The following RGSL1 variants were observed in gnomAD, a reference collection of about 807,000 sequenced individuals.
The protein encoded by RGSL1 is regulator of G protein signaling like 1, also known as regulator of G protein signaling protein-like.
In RGSL1, 97 loss-of-function variants were observed where a neutral mutation model predicts 124.7. The observed-to-expected ratio is 0.78, with a 90% CI of 0.66 to 0.92. The LOEUF (loss-of-function observed/expected upper bound fraction) is 0.92, where lower values mean the gene tolerates loss of function less well. Ranked by LOEUF, RGSL1 falls within the 40% of genes least tolerant of loss-of-function variation. The pLI is 0.00. For missense variants in RGSL1, 1,233 were observed against 1,288.4 expected (o/e 0.96, Z 0.66); for synonymous variants, 424 against 438.1 (o/e 0.97, Z 0.40).
Position 182,493,062 on chromosome 1 carries a change from C to G in RGSL1, c.1758C>G (p.Asn586Lys). ...CCTTTGAGGAGCTTTGCTACAAGAACCCAAAGATGGCCATACAGAAGATCA... is the reference window on the plus strand; with the variant it reads ...CCTTTGAGGAGCTTTGCTACAAGAAGCCAAAGATGGCCATACAGAAGATCA... ...KMSFEELCYK[N>K]PKMAIQKISD... The change falls in exon 9 of 22, where the codon AAC becomes AAG. Residue 586 changes from asparagine (N) to lysine (K), a missense_variant. Physicochemically the swap from Asn to Lys is moderately conservative, Grantham distance 94. Coordinates refer to ENST00000294854, the MANE Select transcript of RGSL1 (RefSeq NM_001137669.2). The G allele has an allele frequency of 1.3e-6, 2 of 1,551,708 alleles. No individual in the cohort carries two copies. Among genetic ancestry groups the G allele is most frequent in the Non-Finnish European group, 8.7e-7 (1 of 1,146,916 alleles).
intron 1 of RGSL1, 154 bp downstream of exon 1, chr1:182,450,332 C>A: frequency 1.2e-6 from 1 of 805,300 alleles, no homozygotes; most frequent in Non-Finnish European, 2.1e-6. Context: ...CTTTCTCCTT[C>A]TTCCCCTTCC....
intron 8 of RGSL1, among the ~76,000 whole-genome samples, chr1:182,492,444 A>G (rs1323562915): frequency 1.3e-5 from 2 of 152,140 alleles, no homozygotes; most frequent in Non-Finnish European, 2.9e-5. Flanking sequence ...TTCAAGTCAT[A>G]TCTTGGTTAC....
intron 21 of RGSL1, 31 bp downstream of exon 21, chr1:182,556,253 G>T: frequency 3.5e-6 from 2 of 569,378 alleles, no homozygotes; most frequent in Admixed American, 3.3e-5. Context: ...GAGAGGAAGC[G>T]CATCTTTCCA....
intron 9 of RGSL1, among the ~76,000 whole-genome samples, chr1:182,509,052 G>A (rs1247705863): frequency 4.6e-5 from 2 of 43,938 alleles, no homozygotes; most frequent in Non-Finnish European, 5.1e-5. Flanking sequence ...TTTTCTTAGT[G>A]CAGAACAAAA....
chr1:182,486,574 C>G (rs1314816761), intron 6 of RGSL1, among the ~76,000 whole-genome samples: 2 of 152,044 alleles, frequency 1.3e-5, no homozygotes, highest in African/African-American at 4.8e-5. Flanking sequence ...TCTCAAACTC[C>G]TTGTCTCAAG....
chr1:182,473,490 G>GA (rs1213575890), intron 5 of RGSL1, 85 bp from the exon 6 acceptor site: 9 of 1,400,298 alleles, frequency 6.4e-6, no homozygotes, highest in Admixed American at 2.9e-5. Context: ...AAAGACATTT[G>GA]AAAAAAATTA....
At chr1:182,534,485 G>A (rs368023645) in intron 14 of RGSL1, among the ~76,000 whole-genome samples, 3 of 152,084 alleles carry the variant, frequency 2.0e-5, no homozygotes, top group East Asian at 3.8e-4. Flanking sequence ...AAAAAAGTTT[G>A]TATTATCTTT....
chr1:182,512,006 A>C (rs913074883), intron 9 of RGSL1, among the ~76,000 whole-genome samples: 6 of 152,088 alleles, frequency 3.9e-5, no homozygotes, highest in Non-Finnish European at 8.8e-5. Flanking sequence ...GCTATTATAA[A>C]TGGGATTCCT....
intron 13 of RGSL1, 128 bp downstream of exon 13, chr1:182,531,038 T>C (rs2102270379): frequency 9.1e-7 from 1 of 1,104,402 alleles, no homozygotes; most frequent in Admixed American, 2.9e-5. Context: ...ACTAGGAATT[T>C]AAGCAAGTCC....
intron 1 of RGSL1, chr1:182,450,715 T>G (rs1419817892): frequency 6.0e-6 from 1 of 167,872 alleles, no homozygotes; most frequent in Non-Finnish European, 1.3e-5. Flanking sequence ...ACCAGCGGTG[T>G]GTGTAGCTGT....
intron 1 of RGSL1, among the ~76,000 whole-genome samples, chr1:182,451,959 A>G (rs184643043): frequency 5.3e-4 from 80 of 152,140 alleles, no homozygotes; most frequent in African/African-American, 1.8e-3. Context: ...GCATGTAGGG[A>G]CATGGAGGGG....
rs1558294876 is a variant in RGSL1, at chr1:182,489,078, G to C, written c.1593G>C (p.Glu531Asp). Residue 531 changes from glutamate to aspartate, a missense_variant, in exon 8 of 22, where the codon GAG (glutamate) becomes GAC (aspartate). Glu to Asp is a conservative substitution (Grantham distance 45, BLOSUM62 2). Coordinates refer to ENST00000294854, the MANE Select transcript of RGSL1 (RefSeq NM_001137669.2). ...LLYKRIQQSL[E>D]LSQALADMKE... Reference sequence around the variant, plus strand: ...ATAAGAGGATTCAGCAGTCTCTAGAGTTAAGCCAGGCTTTGGCTGACATGA... The same window carrying C: ...ATAAGAGGATTCAGCAGTCTCTAGACTTAAGCCAGGCTTTGGCTGACATGA... 5.2e-6 allele frequency: 8 copies of C among 1,551,666 alleles called. No individual in the cohort carries two copies. The highest frequency in any genetic ancestry group is 7.0e-6 in the Non-Finnish European group (8 of 1,147,000).
At chr1:182,553,371 A>G (rs1173242548) in intron 18 of RGSL1, 84 bp from the exon 19 acceptor site, 2 of 985,748 alleles carry the variant, frequency 2.0e-6, no homozygotes, top group Non-Finnish European at 3.1e-6. Context: ...GTGTTAAACA[A>G]GAGCTTTATT....
chr1:182,542,827 G>A (rs1445081669), intron 15 of RGSL1, among the ~76,000 whole-genome samples: 2 of 152,028 alleles, frequency 1.3e-5, no homozygotes, highest in African/African-American at 2.4e-5. Context: ...TTGTCAGTGA[G>A]ATTGCTTTCT....
chr1:182,548,437 C>T lies in RGSL1; in HGVS notation c.2790C>T (p.Asp930=), dbSNP rs374735870. 5 of 1,551,612 alleles carry T rather than the reference C, an allele frequency of 3.2e-6. No individual in the cohort carries two copies. In the African/African-American group the frequency reaches 5.5e-5, roughly 17 times the overall value. The part of the protein sequence containing the change: ...NIIQKLFLNS[D]IPPKLRVNVP... ...TCCAAAAACTCTTCCTGAATTCTGA[C>T]ATCCCTCCAAAGCTGAGGGTAAGAA... The change falls in exon 16 of 22, where the codon GAC becomes GAT. Residue 930 remains aspartate (D), a synonymous_variant. Transcript: ENST00000294854.
At chr1:182,548,537 G>T (rs973665322) in intron 16 of RGSL1, 82 bp downstream of exon 16, 2 of 1,532,274 alleles carry the variant, frequency 1.3e-6, no homozygotes, top group African/African-American at 1.4e-5. Flanking sequence ...TAATTGTCAG[G>T]CACCTCATAA....
At chr1:182,552,962 T>C (rs914069913) in intron 18 of RGSL1, among the ~76,000 whole-genome samples, 2 of 152,158 alleles carry the variant, frequency 1.3e-5, no homozygotes, top group East Asian at 3.9e-4. Context: ...TGGAGTGCAA[T>C]GGCATGATCT....
intron 15 of RGSL1, among the ~76,000 whole-genome samples, chr1:182,540,681 T>A (rs1659837872): frequency 6.6e-6 from 1 of 152,174 alleles, no homozygotes; most frequent in Admixed American, 6.5e-5. Context: ...AGGGAGCATG[T>A]TTTTCTCCAT....
chr1:182,471,386 G>A (rs1407397775), intron 4 of RGSL1: 1 of 457,428 alleles, frequency 2.2e-6, no homozygotes, highest in Non-Finnish European at 4.4e-6. Flanking sequence ...AGGCAGTGCA[G>A]GTGGGTTCTT....
Sources: gnomAD v4.1 joint callset for allele counts (sites outside exome capture counted in the v4.1 genomes callset) on GRCh38, gnomAD v4.1.1 for gene constraint, MANE v1.5 for transcripts, NCBI Gene and HGNC (gene_info 2026-07-23, HGNC 2026-07-21) for gene names.